Variants in ZFHX3 observed in about 807,000 individuals in gnomAD.
ZFHX3 encodes zinc finger homeobox protein 3.
Under a neutral mutation model 279.1 loss-of-function variants are expected in ZFHX3, and 42 were observed. The ratio of observed to expected loss-of-function variants is 0.15; its 90% confidence interval spans 0.12 to 0.19. The LOEUF (loss-of-function observed/expected upper bound fraction) is 0.19. ZFHX3 is among the 10% of genes least tolerant of loss of function. ZFHX3 has a pLI of 1.00. For synonymous variants in ZFHX3, 2,293 were observed against 1,957.8 expected (o/e 1.17, Z -4.52); for missense variants, 4,981 against 4,754.0 (o/e 1.05, Z -1.40).
intron 2 of ZFHX3, among the ~76,000 whole-genome samples, chr16:73,502,242 T>C (rs1485515110): frequency 6.6e-6 from 1 of 152,240 alleles, no homozygotes; most frequent in African/African-American, 2.4e-5. Context: ...TTTGACAAAA[T>C]CTGGCGACCT....
chr16:73,493,520 A>C (rs574315041), intron 2 of ZFHX3, among the ~76,000 whole-genome samples: 1 of 152,352 alleles, frequency 6.6e-6, no homozygotes, highest in African/African-American at 2.4e-5. Context: ...AAGTAAACTC[A>C]GTAATAGCTA....
At chr16:73,361,841 C>T (rs2016438095) in intron 3 of ZFHX3, among the ~76,000 whole-genome samples, 1 of 152,170 alleles carries the variant, frequency 6.6e-6, no homozygotes. Context: ...ATGAAGGTGA[C>T]AGTTCTCCCC....
At chr16:73,560,806 G>A (rs368541769) in intron 2 of ZFHX3, among the ~76,000 whole-genome samples, 2 of 152,192 alleles carry the variant, frequency 1.3e-5, no homozygotes, top group Non-Finnish European at 2.9e-5. Context: ...TGTGTGAGTC[G>A]CTGCTACTTA....
chr16:73,369,965 G>A (rs1251929626), intron 3 of ZFHX3, among the ~76,000 whole-genome samples: 1 of 152,036 alleles, frequency 6.6e-6, no homozygotes, highest in Non-Finnish European at 1.5e-5. Context: ...TTGTGATATG[G>A]CTCCAGGACA....
chr16:72,799,633 G>C (rs1178251975), intron 8 of ZFHX3, among the ~76,000 whole-genome samples: 1 of 152,148 alleles, frequency 6.6e-6, no homozygotes, highest in East Asian at 1.9e-4. Context: ...CAGAACGAAA[G>C]ACAACTAATC....
At chr16:73,221,606 A>G (rs993037489) in intron 5 of ZFHX3, among the ~76,000 whole-genome samples, 3 of 150,994 alleles carry the variant, frequency 2.0e-5, no homozygotes, top group Non-Finnish European at 3.0e-5. Context: ...AAAACTATCG[A>G]AAAAAAAATG....
At chr16:73,623,130 G>A (rs1259899816) in intron 2 of ZFHX3, among the ~76,000 whole-genome samples, 2 of 151,784 alleles carry the variant, frequency 1.3e-5, no homozygotes, top group African/African-American at 2.4e-5. Context: ...TCCGCCTCCC[G>A]GGTTCACACC....
rs572787547 is a variant in ZFHX3 at position 73,255,111 on chromosome 16, A to C, written c.-1104+1936T>G. Among the ~76,000 whole-genome samples, 31 of 152,336 alleles carry C rather than the reference A, an allele frequency of 2.0e-4. 1 individual carries two copies. Among genetic ancestry groups the C allele is most frequent in the Admixed American group, 5.2e-4 (8 of 15,300 alleles). ...GGTGACTAGCCGGCAAAGAATATCC[A>C]GATCAGTCCTGAGATTGTTTCCACA... is the stretch of plus-strand genomic sequence containing the variant. On this transcript the variant is annotated intron_variant, in intron 5 of 17. Transcript: ENST00000641206.
At chr16:73,198,031 AG>A (rs1454085847) in intron 5 of ZFHX3, among the ~76,000 whole-genome samples, 1 of 134,282 alleles carries the variant, frequency 7.4e-6, no homozygotes, top group African/African-American at 2.8e-5. Flanking sequence ...TCTGCCTCCC[AG>A]GTTCAAGTGA....
intron 2 of ZFHX3, among the ~76,000 whole-genome samples, chr16:73,461,580 T>G (rs1028849315): frequency 2.0e-5 from 3 of 152,248 alleles, no homozygotes; most frequent in African/African-American, 7.2e-5. Context: ...AAACCAAGAT[T>G]GAGGTTCACT....
intron 1 of ZFHX3, among the ~76,000 whole-genome samples, chr16:73,040,020 T>G (rs770034516): frequency 5.3e-5 from 8 of 152,222 alleles, no homozygotes; most frequent in Non-Finnish European, 8.8e-5. Context: ...TGTCAAGGGT[T>G]GATTATGTCT....
intron 1 of ZFHX3, among the ~76,000 whole-genome samples, chr16:73,020,522 G>A (rs768094503): frequency 1.4e-4 from 22 of 152,144 alleles, no homozygotes; most frequent in East Asian, 1.9e-4. Flanking sequence ...CGGGCAACGC[G>A]GGACCCATGG....
At chr16:73,608,093 G>C (rs58615910) in intron 2 of ZFHX3, among the ~76,000 whole-genome samples, 2,691 of 151,794 alleles carry the variant, frequency 0.018, 78 homozygotes, top group African/African-American at 0.061. Context: ...AAAAAAAAGA[G>C]AATAGGGGAA....
intron 5 of ZFHX3, among the ~76,000 whole-genome samples, chr16:73,248,394 A>ATG (rs1473331275): frequency 2.0e-5 from 3 of 148,428 alleles, no homozygotes; most frequent in Non-Finnish European, 4.5e-5. Flanking sequence ...GTATATGTTC[A>ATG]TGTGTGTGTG....
chr16:73,395,860 T>C (rs2017117480), intron 3 of ZFHX3, among the ~76,000 whole-genome samples: 1 of 152,150 alleles, frequency 6.6e-6, no homozygotes, highest in Non-Finnish European at 1.5e-5. Context: ...AGTGCAGATA[T>C]ATAAGACATC....
At chr16:73,803,312 G>A (rs1051465514) in intron 1 of ZFHX3, among the ~76,000 whole-genome samples, 8 of 152,194 alleles carry the variant, frequency 5.3e-5, no homozygotes, top group African/African-American at 1.9e-4. Flanking sequence ...TTCAGTTGAG[G>A]TATGTTCAGT....
intron 1 of ZFHX3, among the ~76,000 whole-genome samples, chr16:73,802,082 C>A (rs750661189): frequency 6.6e-6 from 1 of 152,118 alleles, no homozygotes; most frequent in Non-Finnish European, 1.5e-5. Context: ...CATCAGTGAC[C>A]GCAGTGATGT....
At position 73,593,986 on chromosome 16, in the gene ZFHX3, C is replaced by T. The variant is rs186028216; in HGVS notation, c.-1547+86194G>A. 1.0e-3 allele frequency among the ~76,000 whole-genome samples: 156 copies of T among 152,208 alleles called. No homozygotes were observed. The South Asian group carries it at 0.011, about 10-fold the overall frequency. ...TCCTATGTGAAACGGGGATTAAGAA[C>T]GGGTACCCACTCTTGTTACTCCTAT... On this transcript the variant is annotated intron_variant, in intron 2 of 17. Transcript: ENST00000641206.
intron 4 of ZFHX3, among the ~76,000 whole-genome samples, chr16:73,282,188 G>A (rs2014474663): frequency 6.6e-6 from 1 of 152,126 alleles, no homozygotes; most frequent in Non-Finnish European, 1.5e-5. Flanking sequence ...CCAGTCCTAA[G>A]TAGCGTTTAC....
Sources: allele counts gnomAD v4.1 joint callset (sites outside exome capture counted in the v4.1 genomes callset), GRCh38; gene constraint gnomAD v4.1.1; transcripts MANE v1.5; gene names NCBI Gene and HGNC (gene_info 2026-07-23, HGNC 2026-07-21).